Variants in MYLIP observed in about 807,000 individuals in gnomAD.
MYLIP encodes E3 ubiquitin-protein ligase MYLIP.
A neutral mutation model predicts 45.8 loss-of-function variants in MYLIP; 26 were observed. The ratio of observed to expected loss-of-function variants is 0.57; its 90% confidence interval spans 0.42 to 0.79. The LOEUF is 0.79. MYLIP is among the 30% of genes least tolerant of loss of function. The probability of loss-of-function intolerance (pLI) is 0.00; values close to 1 mark genes in which losing one functional copy is unlikely to be tolerated. For missense variants in MYLIP, 494 were observed against 555.6 expected, an observed-to-expected ratio of 0.89 and a Z score of 1.11; for synonymous variants, 213 against 218.1, an observed-to-expected ratio of 0.98 and a Z score of 0.21.
At chr6:16,138,068 G>A (rs1581603926) in intron 2 of MYLIP, among the ~76,000 whole-genome samples, 2 of 152,150 alleles carry the variant, frequency 1.3e-5, no homozygotes, top group East Asian at 1.9e-4. Flanking sequence ...GGTATAACCC[G>A]AAGAATGTTT....
downstream of MYLIP, among the ~76,000 whole-genome samples, chr6:16,150,494 T>C (rs749611092): frequency 6.6e-6 from 1 of 152,062 alleles, no homozygotes; most frequent in Non-Finnish European, 1.5e-5. Context: ...GTTTTGACTT[T>C]GGGTTTTAAA....
chr6:16,151,673 T>C (rs892835549), downstream of MYLIP, among the ~76,000 whole-genome samples: 2 of 152,234 alleles, frequency 1.3e-5, no homozygotes, highest in Non-Finnish European at 2.9e-5. Context: ...CTTCTTGAAA[T>C]TCATTTATTC....
chr6:16,158,017 A>C, the MYLIP span, among the ~76,000 whole-genome samples: 2 of 152,270 alleles, frequency 1.3e-5, no homozygotes, highest in African/African-American at 2.4e-5. Flanking sequence ...ACAGAACCCC[A>C]AAAAGAAAGA....
chr6:16,145,179 G>A lies in MYLIP; in HGVS notation c.1110G>A (p.Gln370=). 6.2e-7 allele frequency: 1 copy of A among 1,614,162 alleles called. No individual in the cohort carries two copies. Among genetic ancestry groups the A allele is most frequent in the Non-Finnish European group, 8.5e-7 (1 of 1,180,032 alleles). ...CSSCEGLSCQ[Q]TRVLQEKLRK... ...GCTGCGAGGGCCTCAGCTGCCAGCAGACCCGGGTGCTGCAGGAGAAGCTAC... is the reference window on the plus strand; with the variant it reads ...GCTGCGAGGGCCTCAGCTGCCAGCAAACCCGGGTGCTGCAGGAGAAGCTAC... Residue 370 remains glutamine (Q), a synonymous_variant, in exon 6 of 7, where the codon CAG becomes CAA. Transcript: ENST00000356840.
chr6:16,141,451 A>G, intron 2 of MYLIP, 174 bp from the exon 3 acceptor site: 1 of 498,020 alleles, frequency 2.0e-6, no homozygotes, highest in Non-Finnish European at 3.5e-6. Flanking sequence ...CGCAGTTCTT[A>G]TTTTGATTTT....
At chr6:16,154,466 G>C in the MYLIP span, among the ~76,000 whole-genome samples, 1 of 152,178 alleles carries the variant, frequency 6.6e-6, no homozygotes, top group African/African-American at 2.4e-5. Context: ...CTCAGGCACA[G>C]AGAGCTGGAG....
At chr6:16,151,348 C>A (rs531553450), downstream of MYLIP, among the ~76,000 whole-genome samples, 8 of 148,042 alleles carry the variant, frequency 5.4e-5, no homozygotes, top group Non-Finnish European at 1.0e-4. Context: ...CAGAGTGAGA[C>A]TCCATCTCAA....
intron 2 of MYLIP, 40 bp from the exon 3 acceptor site, chr6:16,141,585 T>A: frequency 1.3e-6 from 2 of 1,555,270 alleles, no homozygotes; most frequent in African/African-American, 2.7e-5. Flanking sequence ...TGATGTCAGG[T>A]TATCCCCAAG....
rs1759834603 is a variant in MYLIP, at chr6:16,148,187, C to T, written c.*1436C>T. The T allele has an allele frequency of 6.6e-6, 1 of 152,472 alleles. No homozygotes were observed. Among genetic ancestry groups the T allele is most frequent in the South Asian group, 2.1e-4 (1 of 4,816 alleles). 9.4% of individuals were successfully genotyped at this position (152,472 alleles called of 1,614,324 possible). A position where few individuals can be genotyped will look rare whatever the true frequency, so the allele number is the denominator to read the frequency against. On this transcript the variant is annotated 3_prime_UTR_variant, in exon 7 of 7. Transcript: ENST00000356840. ...AAAAATAATGTTTCCACGTAAAGAA[C>T]TCTGTTATATCCTAGAGGACTCTGT...
chr6:16,161,772 G>T, the MYLIP span, among the ~76,000 whole-genome samples: 1 of 151,914 alleles, frequency 6.6e-6, no homozygotes, highest in Non-Finnish European at 1.5e-5. Flanking sequence ...TATATTATCC[G>T]TACAATTTAT....
intron 2 of MYLIP, among the ~76,000 whole-genome samples, chr6:16,138,682 C>G (rs1759605362): frequency 6.6e-6 from 1 of 152,166 alleles, no homozygotes; most frequent in Non-Finnish European, 1.5e-5. Flanking sequence ...AAAACCCCAG[C>G]TTAGGGCTGG....
At chr6:16,146,595 G>A in intron 6 of MYLIP, 67 bp from the exon 7 acceptor site, 3 of 1,248,276 alleles carry the variant, frequency 2.4e-6, no homozygotes, top group Non-Finnish European at 3.5e-6. Context: ...CCAGGGGTGT[G>A]CACAGAGACA....
At position 16,130,862 on chromosome 6, in the gene MYLIP, C is replaced by G. The variant is rs116277049; in HGVS notation, c.278+115C>G. On this transcript the variant is annotated intron_variant, in intron 2 of 6. Coordinates refer to ENST00000356840, the MANE Select transcript of MYLIP (RefSeq NM_013262.4). The stretch of plus-strand genomic sequence containing the variant: ...AGTTTGTTTTGATGCGGAGTTCCAT[C>G]TTAACTTAGGTTTTCCATGCAGGTC... The G allele has an allele frequency of 1.4e-3, 1,462 of 1,065,620 alleles. 13 individuals are homozygous for G. The African/African-American group carries it at 0.021, about 15-fold the overall frequency. The allele number at this position is 1,065,620 out of a possible 1,614,324, so 66.0% of individuals were successfully genotyped here.
At chr6:16,136,477 C>G (rs920141848) in intron 2 of MYLIP, among the ~76,000 whole-genome samples, 9 of 152,154 alleles carry the variant, frequency 5.9e-5, no homozygotes, top group Admixed American at 3.3e-4. Context: ...TTTATCCGTA[C>G]TCCTAATAAT....
rs1759709111 is a variant in MYLIP at position 16,143,149 on chromosome 6, G to T, written c.594G>T (p.Gln198His). ...ATTCTGTGCGGGATAGCGAAGGGCA[G>T]AAACTGCTCATTGGGGTTGGACCTG... ...EWHSVRDSEG[Q>H]KLLIGVGPEG... Residue 198 changes from glutamine (Q) to histidine (H), a missense_variant, in exon 4 of 7, where the codon CAG becomes CAT. Coordinates refer to ENST00000356840, the MANE Select transcript of MYLIP (RefSeq NM_013262.4). 1 of 1,614,168 alleles carries T rather than the reference G, an allele frequency of 6.2e-7. No individual in the cohort carries two copies. The highest frequency in any genetic ancestry group is 1.6e-4 in the Middle Eastern group (1 of 6,062).
chr6:16,161,066 C>T, the MYLIP span: 3 of 156,818 alleles, frequency 1.9e-5, no homozygotes, highest in African/African-American at 7.2e-5. Flanking sequence ...ACCAGGGTCT[C>T]ATGGGGGGAG....
downstream of MYLIP, among the ~76,000 whole-genome samples, chr6:16,152,361 G>C (rs913575086): frequency 5.3e-5 from 8 of 152,180 alleles, no homozygotes; most frequent in Non-Finnish European, 1.2e-4. Flanking sequence ...GTTAGGGCTA[G>C]GGCAGTGGTT....
At chr6:16,146,533 G>A in intron 6 of MYLIP, 129 bp from the exon 7 acceptor site, 1 of 693,040 alleles carries the variant, frequency 1.4e-6, no homozygotes, top group Non-Finnish European at 2.5e-6. Flanking sequence ...CCAATTGAAA[G>A]CTAGAAATCA....
chr6:16,138,095 G>A (rs1759591632), intron 2 of MYLIP, among the ~76,000 whole-genome samples: 2 of 152,148 alleles, frequency 1.3e-5, no homozygotes, highest in Admixed American at 1.3e-4. Context: ...TGCAGTTTGA[G>A]CTTATTTATG....
Sources: allele counts gnomAD v4.1 joint callset (sites outside exome capture counted in the v4.1 genomes callset), GRCh38; gene constraint gnomAD v4.1.1; transcripts MANE v1.5; gene names NCBI Gene and HGNC (gene_info 2026-07-23, HGNC 2026-07-21).